Variants in ZFHX3 observed in about 807,000 individuals in gnomAD.
ZFHX3 encodes the protein zinc finger homeobox 3.
In ZFHX3, 42 loss-of-function variants were observed where a neutral mutation model predicts 279.1. The observed-to-expected ratio is 0.15, with a 90% CI of 0.12 to 0.19. The LOEUF is 0.19. Among genes scored for constraint, ZFHX3 ranks in the 10% least tolerant of loss-of-function variants. ZFHX3 has a pLI of 1.00. For synonymous variants in ZFHX3, 2,293 were observed against 1,957.8 expected (o/e 1.17, Z -4.52); for missense variants, 4,981 against 4,754.0 (o/e 1.05, Z -1.40).
intron 7 of ZFHX3, among the ~76,000 whole-genome samples, chr16:73,129,802 G>C (rs1329929865): frequency 2.0e-5 from 3 of 152,016 alleles, no homozygotes; most frequent in Non-Finnish European, 4.4e-5. Flanking sequence ...TATGGGCTAA[G>C]GAGAGTGTGC....
chr16:73,486,844 C>A (rs1011884052), intron 2 of ZFHX3: 9 of 456,034 alleles, frequency 2.0e-5, no homozygotes, highest in African/African-American at 1.8e-4. Context: ...GGGTCTCAGG[C>A]TTTACCCAGA....
At chr16:73,045,772 A>G (rs530209847) in intron 1 of ZFHX3, among the ~76,000 whole-genome samples, 1 of 144,662 alleles carries the variant, frequency 6.9e-6, no homozygotes, top group East Asian at 2.1e-4. Flanking sequence ...TATTTCATAG[A>G]AAGTACAGCC....
chr16:73,799,496 G>A (rs141314900), intron 1 of ZFHX3, among the ~76,000 whole-genome samples: 292 of 152,246 alleles, frequency 1.9e-3, no homozygotes, highest in African/African-American at 6.5e-3. Flanking sequence ...AGATGGAGAA[G>A]GGAAGAGAGA....
chr16:73,618,908 C>T (rs1364472207), intron 2 of ZFHX3, among the ~76,000 whole-genome samples: 1 of 152,064 alleles, frequency 6.6e-6, no homozygotes, highest in Non-Finnish European at 1.5e-5. Flanking sequence ...TGACAAGGGG[C>T]ATGAGATGTG....
At chr16:72,950,448 C>A in intron 3 of ZFHX3, 21 bp downstream of exon 3, 1 of 1,605,938 alleles carries the variant, frequency 6.2e-7, no homozygotes. Context: ...AGCGCCTGAG[C>A]CATAAGGAGC....
chr16:73,582,081 G>A (rs577813379), intron 2 of ZFHX3, among the ~76,000 whole-genome samples: 6 of 151,926 alleles, frequency 3.9e-5, no homozygotes, highest in African/African-American at 1.2e-4. Context: ...CAAAAGCATG[G>A]TAGCATAATT....
intron 4 of ZFHX3, among the ~76,000 whole-genome samples, chr16:72,838,868 G>A (rs753481068): frequency 1.2e-4 from 18 of 152,174 alleles, no homozygotes; most frequent in Non-Finnish European, 1.6e-4. Flanking sequence ...GAAATATGTC[G>A]CGGACTCGCC....
intron 1 of ZFHX3, among the ~76,000 whole-genome samples, chr16:73,019,995 T>C (rs1198790026): frequency 6.6e-6 from 1 of 152,172 alleles, no homozygotes; most frequent in African/African-American, 2.4e-5. Flanking sequence ...AGACATTCCA[T>C]GGGAACTATC....
chr16:72,796,009 C>T lies in ZFHX3; in HGVS notation c.6673G>A (p.Asp2225Asn). 6.2e-7 allele frequency: 1 copy of T among 1,614,144 alleles called. No individual in the cohort carries two copies. The highest frequency in any genetic ancestry group is 8.5e-7 in the Non-Finnish European group (1 of 1,180,034). ...PITSLEELKI[D>N]SRPPSPEPPK... Reference sequence around the variant, plus strand: ...GGTTCCGGCGAAGGGGGCCGGGAGTCAATCTTGAGCTCCTCCAGGCTGGTG... The same window carrying T: ...GGTTCCGGCGAAGGGGGCCGGGAGTTAATCTTGAGCTCCTCCAGGCTGGTG... Residue 2225 changes from aspartate (D) to asparagine (N), a missense_variant, in exon 9 of 10, where the codon GAC (aspartate) becomes AAC (asparagine). Physicochemically the swap from Asp to Asn is conservative, Grantham distance 23. Around this residue, in one of 7 missense-constraint regions of ZFHX3, gnomAD observed 177 missense variants for 244.2 expected, o/e 0.72. Coordinates refer to ENST00000268489, the MANE Select transcript of ZFHX3 (RefSeq NM_006885.4).
In ZFHX3 at chr16:72,958,745, C is replaced by G; in HGVS notation, c.1401G>C (p.Glu467Asp). Residue 467 changes from glutamate to aspartate, a missense_variant, in exon 2 of 10, where the codon GAG becomes GAC. Glu to Asp is a conservative substitution (Grantham distance 45). This residue lies in a region of ZFHX3 where 1,068 missense variants were observed against 935.2 expected (regional missense o/e 1.14). Transcript: ENST00000268489. ...CCTCCTCCTCCGCCTCTTCCTCCTC[C>G]TCTTCCTCCTCCGCCTCCTCTTCGG... ...EPAEEEAEEEEEEEEAEEEEE... is the reference protein window; with the variant it reads ...EPAEEEAEEEDEEEEAEEEEE... 6.2e-7 allele frequency: 1 copy of G among 1,613,336 alleles called. No homozygotes were observed. The highest frequency in any genetic ancestry group is 1.1e-5 in the South Asian group (1 of 91,082).
chr16:73,764,499 A>G (rs1359206162), intron 1 of ZFHX3, among the ~76,000 whole-genome samples: 1 of 152,170 alleles, frequency 6.6e-6, no homozygotes, highest in Non-Finnish European at 1.5e-5. Context: ...ATTCATAGTG[A>G]TCTTATTGCA....
intron 1 of ZFHX3, among the ~76,000 whole-genome samples, chr16:73,701,917 T>C (rs1232703295): frequency 6.6e-6 from 1 of 152,024 alleles, no homozygotes; most frequent in African/African-American, 2.4e-5. Context: ...GCGATTTCTA[T>C]CACTGCACCC....
chr16:72,892,785 A>G (rs1433287188), intron 3 of ZFHX3, among the ~76,000 whole-genome samples: 1 of 152,206 alleles, frequency 6.6e-6, no homozygotes, highest in Non-Finnish European at 1.5e-5. Context: ...CTGGGATTAT[A>G]GGCGTGAGCC....
intron 1 of ZFHX3, among the ~76,000 whole-genome samples, chr16:73,783,058 A>C (rs779867934): frequency 6.6e-6 from 1 of 152,126 alleles, no homozygotes; most frequent in Non-Finnish European, 1.5e-5. Context: ...GGGGCACTGA[A>C]ATGGAGGCCA....
chr16:73,623,039 A>ATTT (rs11341882), intron 2 of ZFHX3, among the ~76,000 whole-genome samples: 2 of 149,004 alleles, frequency 1.3e-5, no homozygotes, highest in Non-Finnish European at 3.0e-5. Context: ...GGCACATTGT[A>ATTT]TTTTTTTTTT....
At chr16:73,308,246 TA>T (rs2015231881) in intron 4 of ZFHX3, among the ~76,000 whole-genome samples, 1 of 22,472 alleles carries the variant, frequency 4.4e-5, no homozygotes, top group East Asian at 8.4e-4. Flanking sequence ...TATATATATA[TA>T]TATATATATA....
intron 3 of ZFHX3, among the ~76,000 whole-genome samples, chr16:73,325,407 C>G (rs768568688): frequency 1.3e-5 from 2 of 152,132 alleles, no homozygotes; most frequent in African/African-American, 2.4e-5. Context: ...GAGAATGGCT[C>G]TAATGAATCT....
chr16:73,418,626 T>C (rs1471023744), intron 3 of ZFHX3, among the ~76,000 whole-genome samples: 3 of 152,210 alleles, frequency 2.0e-5, no homozygotes, highest in African/African-American at 7.2e-5. Context: ...CCATTATATA[T>C]ACAAAGTGTT....
At chr16:73,696,587 C>G (rs1055740623) in intron 1 of ZFHX3, among the ~76,000 whole-genome samples, 3 of 152,164 alleles carry the variant, frequency 2.0e-5, no homozygotes, top group African/African-American at 7.2e-5. Context: ...GAAGATGCAC[C>G]AACAGGGCCT....
Sources: allele counts gnomAD v4.1 joint callset (sites outside exome capture counted in the v4.1 genomes callset), GRCh38; gene constraint gnomAD v4.1.1; regional missense constraint gnomAD v4.1.1; transcripts MANE v1.5; gene names NCBI Gene and HGNC (gene_info 2026-07-23, HGNC 2026-07-21).